The following LSAMP variants were observed in gnomAD, a reference collection of about 807,000 sequenced individuals.
LSAMP encodes limbic system associated membrane protein.
In LSAMP, 7 loss-of-function variants were observed where a neutral mutation model predicts 38.6. The ratio of observed to expected loss-of-function variants is 0.18; its 90% CI spans 0.10 to 0.34. LSAMP has a LOEUF of 0.34. LSAMP is among the 10% of genes least tolerant of loss of function. The pLI is 1.00. For missense variants in LSAMP, 313 were observed against 420.0 expected, an observed-to-expected ratio of 0.75 and a Z score of 2.23; for synonymous variants, 154 against 166.8, an observed-to-expected ratio of 0.92 and a Z score of 0.59.
At chr3:116,135,093 A>G (rs1709218949) in intron 1 of LSAMP, among the ~76,000 whole-genome samples, 1 of 152,118 alleles carries the variant, frequency 6.6e-6, no homozygotes, top group African/African-American at 2.4e-5. Flanking sequence ...TATGTTCATA[A>G]CCATTTATAG....
At chr3:116,094,373 C>T (rs1227626716) in intron 1 of LSAMP, among the ~76,000 whole-genome samples, 1 of 152,196 alleles carries the variant, frequency 6.6e-6, no homozygotes, top group Non-Finnish European at 1.5e-5. Context: ...TGGTGTCATT[C>T]TCTTGCTCTT....
chr3:116,421,295 C>A (rs949957562), intron 1 of LSAMP, among the ~76,000 whole-genome samples: 5 of 151,988 alleles, frequency 3.3e-5, no homozygotes, highest in African/African-American at 4.8e-5. Context: ...TGGGGCCAGG[C>A]GTGGTAGCTC....
chr3:115,875,018 A>C (rs1197796782), intron 3 of LSAMP, among the ~76,000 whole-genome samples: 1 of 152,120 alleles, frequency 6.6e-6, no homozygotes, highest in East Asian at 1.9e-4. Flanking sequence ...ATCTCAGGTA[A>C]TTCTCAACCA....
At chr3:116,288,154 G>A (rs1247966127) in intron 1 of LSAMP, among the ~76,000 whole-genome samples, 7 of 152,258 alleles carry the variant, frequency 4.6e-5, no homozygotes, top group Non-Finnish European at 8.8e-5. Context: ...TAGATGGAAC[G>A]AATAGGGAAA....
chr3:116,086,643 A>G lies in LSAMP; in HGVS notation c.156-87T>C, dbSNP rs561653461. 4 of 988,792 alleles carry G rather than the reference A, an allele frequency of 4.0e-6. No homozygotes were observed. The Admixed American group carries it at 8.0e-5, about 20-fold the overall frequency. 61.3% of individuals were successfully genotyped at this position (988,792 alleles called of 1,614,324 possible). On this transcript the variant is annotated intron_variant, in intron 1 of 6. Transcript: ENST00000490035. ...AGGTGATCAGACTCAACAAGTCTAA[A>G]CAAGGAAAATAATTATATGCAGAAT...
chr3:116,393,174 TGCCCATGACACTGTG>T (rs1346842595), intron 1 of LSAMP, among the ~76,000 whole-genome samples: 3 of 152,146 alleles, frequency 2.0e-5, no homozygotes, highest in African/African-American at 7.2e-5. Flanking sequence ...ACATGCCCTT[TGCCCATGACACTGTG>T]GGCAAAGAGA....
chr3:116,193,158 A>G (rs1710794436), intron 1 of LSAMP, among the ~76,000 whole-genome samples: 1 of 152,232 alleles, frequency 6.6e-6, no homozygotes. Context: ...AAGGTTTTAC[A>G]AATTTACATT....
At chr3:115,819,861 T>C (rs1934171201) in intron 6 of LSAMP, among the ~76,000 whole-genome samples, 1 of 152,186 alleles carries the variant, frequency 6.6e-6, no homozygotes, top group Admixed American at 6.5e-5. Context: ...TGGACTCTTA[T>C]TTCCTACCCA....
At chr3:116,171,995 CTTAT>C (rs1710211559) in intron 1 of LSAMP, among the ~76,000 whole-genome samples, 1 of 151,970 alleles carries the variant, frequency 6.6e-6, no homozygotes, top group Non-Finnish European at 1.5e-5. Flanking sequence ...AATAAAATTA[CTTAT>C]TTTAGTGCAC....
rs557686532 is a variant in LSAMP at position 115,851,710 on chromosome 3, C to G, written c.649+773G>C. On this transcript the variant is annotated intron_variant, in intron 4 of 6. Transcript: ENST00000490035. ...TGTCAAAGCTTCCCTTTGTCCCTGACACTAGCCACAGCTGTGTGATGTGGG... is the reference window on the plus strand; with the variant it reads ...TGTCAAAGCTTCCCTTTGTCCCTGAGACTAGCCACAGCTGTGTGATGTGGG... Among the ~76,000 whole-genome samples the G allele has an allele frequency of 4.6e-5, 7 of 152,198 alleles. No homozygotes were observed. The South Asian group carries it at 1.4e-3, about 31-fold the overall frequency.
intron 1 of LSAMP, among the ~76,000 whole-genome samples, chr3:116,271,154 A>C (rs2046966717): frequency 6.6e-6 from 1 of 152,102 alleles, no homozygotes; most frequent in South Asian, 2.1e-4. Context: ...ACAATAAAAA[A>C]CAGAATTCAG....
intron 2 of LSAMP, among the ~76,000 whole-genome samples, chr3:116,057,170 T>C (rs1278161812): frequency 6.6e-6 from 1 of 152,138 alleles, no homozygotes. Context: ...TCCTAAAAAC[T>C]CTCACTTTGG....
intron 2 of LSAMP, among the ~76,000 whole-genome samples, chr3:116,044,428 G>A (rs1456184899): frequency 6.6e-6 from 1 of 151,734 alleles, no homozygotes; most frequent in African/African-American, 2.4e-5. Context: ...ATTAATATTC[G>A]TCTCTGCAAG....
intron 3 of LSAMP, among the ~76,000 whole-genome samples, chr3:115,927,211 C>T (rs1301731438): frequency 1.3e-5 from 2 of 151,970 alleles, no homozygotes; most frequent in African/African-American, 4.8e-5. Context: ...TTCCCAGCCA[C>T]AAAGAATAGA....
In LSAMP at chr3:115,805,331, T is replaced by C. The variant is rs994006142; in HGVS notation, c.*4986A>G. On this transcript the variant is annotated 3_prime_UTR_variant, in exon 7 of 7. Coordinates refer to ENST00000490035, the MANE Select transcript of LSAMP (RefSeq NM_002338.5). ...GGCAACCTCATATTTGGAGCTTTAG[T>C]CGTAATTCTTCCGATTCTGAACTGT... 4 of 152,190 alleles carry C rather than the reference T, an allele frequency of 2.6e-5. No individual in the cohort carries two copies. Among genetic ancestry groups the C allele is most frequent in the African/African-American group, 9.6e-5 (4 of 41,452 alleles). The allele number at this position is 152,190 out of a possible 1,614,324, so 9.4% of individuals were successfully genotyped here. A position where few individuals can be genotyped will look rare whatever the true frequency, so the allele number is the denominator to read the frequency against.
intron 1 of LSAMP, among the ~76,000 whole-genome samples, chr3:116,253,312 G>A (rs1257365499): frequency 6.6e-6 from 1 of 152,152 alleles, no homozygotes; most frequent in Non-Finnish European, 1.5e-5. Flanking sequence ...CAGAAAACAA[G>A]AGGTGATATT....
rs150056259 is a variant in LSAMP, at chr3:115,857,306, A to G, written c.515-4689T>C. Among the ~76,000 whole-genome samples the G allele has an allele frequency of 1.3e-3, 192 of 152,254 alleles. 1 individual carries two copies. Among genetic ancestry groups the G allele is most frequent in the African/African-American group, 4.4e-3 (182 of 41,556 alleles). ...CTTTGCCCCCACGAGCCTGTCCCCA[A>G]GAGGGCAACTTTTCTCCACTTCCTT... On this transcript the variant is annotated intron_variant, in intron 3 of 6. Coordinates refer to ENST00000490035, the MANE Select transcript of LSAMP (RefSeq NM_002338.5).
At chr3:116,107,682 C>G (rs771832010) in intron 1 of LSAMP, among the ~76,000 whole-genome samples, 8 of 152,184 alleles carry the variant, frequency 5.3e-5, no homozygotes, top group Non-Finnish European at 2.9e-5. Flanking sequence ...GTCTGTGAAG[C>G]CTTGCGGCAG....
At chr3:116,081,754 C>T (rs952584129) in intron 2 of LSAMP, among the ~76,000 whole-genome samples, 7 of 152,028 alleles carry the variant, frequency 4.6e-5, no homozygotes, top group African/African-American at 1.2e-4. Flanking sequence ...ATTTGAATCA[C>T]AGTGCTGAGA....
Sources: gnomAD v4.1 joint callset for allele counts (sites outside exome capture counted in the v4.1 genomes callset) on GRCh38, gnomAD v4.1.1 for gene constraint, MANE v1.5 for transcripts, NCBI Gene and HGNC (gene_info 2026-07-23, HGNC 2026-07-21) for gene names.